Variants in INSL6 observed in about 807,000 individuals in gnomAD.
INSL6 encodes the protein insulin like 6.
A neutral mutation model predicts 9.4 loss-of-function variants in INSL6; 16 were observed. That is an observed-to-expected ratio of 1.70 (90% CI 1.15 to 2.59). INSL6 has a LOEUF of 2.59. Ranked by LOEUF, INSL6 falls within the 30% of genes most tolerant of loss-of-function variation. The pLI is 0.00. For missense variants in INSL6, 391 were observed against 257.3 expected (o/e 1.52, Z -3.56); for synonymous variants, 154 against 96.9 (o/e 1.59, Z -3.46).
chr9:5,110,290 T>G, the INSL6 span: 3 of 152,122 alleles, frequency 2.0e-5, no homozygotes, highest in Admixed American at 2.0e-4. Context: ...ACCCAAACCT[T>G]TACATTATCT....
chr9:5,058,924 A>G, the INSL6 span, among the ~76,000 whole-genome samples: 2 of 152,050 alleles, frequency 1.3e-5, no homozygotes, highest in African/African-American at 4.8e-5. Flanking sequence ...TGTATTCTGG[A>G]TATTAATCCC....
At chr9:5,054,436 A>T in the INSL6 span, 1 of 698,130 alleles carries the variant, frequency 1.4e-6, no homozygotes, top group Non-Finnish European at 2.4e-6. This position sits in a 1 kb window ranked among gnomAD's most constrained non-coding sequence, Gnocchi z 4.9. Flanking sequence ...AACTTACGCC[A>T]CTTGGCCACT....
At chr9:5,027,754 A>G in the INSL6 span, among the ~76,000 whole-genome samples, 1 of 152,244 alleles carries the variant, frequency 6.6e-6, no homozygotes, top group African/African-American at 2.4e-5. Context: ...CATCTTCACC[A>G]GGAATAGATT....
chr9:5,125,190 T>G (rs1823892842), intron 3 of INSL6, among the ~76,000 whole-genome samples: 1 of 151,214 alleles, frequency 6.6e-6, no homozygotes, highest in Admixed American at 6.6e-5. Flanking sequence ...AGGCTTCATT[T>G]TGTGTATAAA....
chr9:5,012,543 A>T, the INSL6 span, among the ~76,000 whole-genome samples: 1 of 152,136 alleles, frequency 6.6e-6, no homozygotes, highest in African/African-American at 2.4e-5. Context: ...TGAACTTCTC[A>T]TTAAGGGAGG....
chr9:5,113,937 C>A, the INSL6 span: 1 of 252,010 alleles, frequency 4.0e-6, no homozygotes, highest in South Asian at 4.6e-5. Flanking sequence ...CCATCCAGTT[C>A]CTGTGCCTCA....
the INSL6 span, chr9:5,081,938 C>G: frequency 8.4e-7 from 1 of 1,197,354 alleles, no homozygotes; most frequent in Non-Finnish European, 1.2e-6. Flanking sequence ...CTAAAGTTCA[C>G]TTTCTACAAC....
At chr9:5,116,248 TAAACCCAAAAAGTCTG>T in the INSL6 span, among the ~76,000 whole-genome samples, 3 of 152,290 alleles carry the variant, frequency 2.0e-5, no homozygotes, top group Non-Finnish European at 4.4e-5. Flanking sequence ...GACCAGGATT[TAAACCCAAAAAGTCTG>T]ATCCCAGAGT....
the INSL6 span, chr9:5,065,006 G>C: frequency 6.2e-7 from 1 of 1,604,708 alleles, no homozygotes; most frequent in Non-Finnish European, 8.5e-7. Flanking sequence ...AGCCGTGCTT[G>C]AAAATATACA....
chr9:5,046,332 T>C, the INSL6 span, among the ~76,000 whole-genome samples: 3 of 152,206 alleles, frequency 2.0e-5, no homozygotes, highest in Non-Finnish European at 2.9e-5. Context: ...ACATGATTTG[T>C]AGATAGTTTT....
At chr9:5,077,655 A>G in the INSL6 span, 4 of 964,066 alleles carry the variant, frequency 4.1e-6, no homozygotes, top group South Asian at 7.1e-5. Context: ...CTTTACCTGG[A>G]AACAAAAAAT....
chr9:5,115,646 G>T, the INSL6 span, among the ~76,000 whole-genome samples: 2 of 152,162 alleles, frequency 1.3e-5, no homozygotes, highest in Admixed American at 1.3e-4. Flanking sequence ...CAATAGCAAA[G>T]ACTTGGAACC....
At chr9:5,176,719 C>CAA (rs34357993) in intron 1 of INSL6, among the ~76,000 whole-genome samples, 6 of 125,326 alleles carry the variant, frequency 4.8e-5, no homozygotes, top group Non-Finnish European at 5.6e-5. Flanking sequence ...GAAATCAAAG[C>CAA]AAAAAAAAAA....
the INSL6 span, among the ~76,000 whole-genome samples, chr9:5,025,568 C>T: frequency 8.1e-4 from 116 of 143,514 alleles, no homozygotes; most frequent in Non-Finnish European, 1.6e-3. Flanking sequence ...GAGTCTTGCT[C>T]TGTTGCCCAG....
At chr9:5,143,603 G>C (rs1824544239) in intron 2 of INSL6, among the ~76,000 whole-genome samples, 1 of 150,996 alleles carries the variant, frequency 6.6e-6, no homozygotes, top group East Asian at 1.9e-4. Context: ...TCTAGCTACT[G>C]GTCTATCTAT....
the INSL6 span, among the ~76,000 whole-genome samples, chr9:5,005,754 G>A: frequency 3.3e-5 from 5 of 152,186 alleles, no homozygotes; most frequent in African/African-American, 9.6e-5. Context: ...TCAGACATTT[G>A]GAAAAATTTA....
chr9:5,131,583 G>A (rs1346941228), intron 3 of INSL6, among the ~76,000 whole-genome samples: 2 of 151,666 alleles, frequency 1.3e-5, no homozygotes, highest in Non-Finnish European at 2.9e-5. Flanking sequence ...GATTACAGGT[G>A]CCCGCCACCA....
intron 2 of INSL6, among the ~76,000 whole-genome samples, chr9:5,151,787 A>C (rs1824718578): frequency 6.6e-6 from 1 of 152,220 alleles, no homozygotes. Flanking sequence ...TTTAAACACA[A>C]ATCATATTGA....
At chr9:5,059,899 T>A in the INSL6 span, among the ~76,000 whole-genome samples, 1 of 152,222 alleles carries the variant, frequency 6.6e-6, no homozygotes, top group African/African-American at 2.4e-5. Flanking sequence ...GACTTGTCCC[T>A]TTCTGATCAA....
Sources: gnomAD v4.1 joint callset for allele counts (sites outside exome capture counted in the v4.1 genomes callset) on GRCh38, gnomAD v4.1.1 for gene constraint, Gnocchi (gnomAD v3.1) non-coding constraint, MANE v1.5 for transcripts, NCBI Gene and HGNC (gene_info 2026-07-23, HGNC 2026-07-21) for gene names.